Variants in UTRN observed in about 807,000 individuals in gnomAD.
The protein encoded by UTRN is utrophin.
Under a neutral mutation model 463.9 loss-of-function variants are expected in UTRN, and 283 were observed. The ratio of observed to expected loss-of-function variants is 0.61; its 90% CI spans 0.55 to 0.67. The LOEUF is 0.67. Among genes scored for constraint, UTRN ranks in the 30% least tolerant of loss-of-function variants. UTRN has a pLI of 0.00. For synonymous variants in UTRN, 1,442 were observed against 1,431.5 expected, an observed-to-expected ratio of 1.01 and a Z score of -0.17; for missense variants, 3,922 against 4,084.3, an observed-to-expected ratio of 0.96 and a Z score of 1.08.
intron 2 of UTRN, among the ~76,000 whole-genome samples, chr6:144,303,047 T>G (rs1240391490): frequency 1.3e-5 from 2 of 152,158 alleles, no homozygotes; most frequent in Non-Finnish European, 2.9e-5. Flanking sequence ...TCAGAACTGT[T>G]TTTCAGAAAG....
At chr6:144,703,132 A>G (rs531822769) in intron 53 of UTRN, among the ~76,000 whole-genome samples, 8 of 152,338 alleles carry the variant, frequency 5.3e-5, no homozygotes, top group Admixed American at 2.0e-4. Flanking sequence ...GAAAGAATCA[A>G]CAAAATTTGC....
chr6:144,555,407 G>A (rs1032699184), intron 49 of UTRN, among the ~76,000 whole-genome samples: 2 of 152,150 alleles, frequency 1.3e-5, no homozygotes, highest in Non-Finnish European at 2.9e-5. Flanking sequence ...GCAAGACAGA[G>A]AGAGATAGAA....
chr6:144,663,971 A>G (rs936977352), intron 51 of UTRN, among the ~76,000 whole-genome samples: 1 of 152,172 alleles, frequency 6.6e-6, no homozygotes, highest in Admixed American at 6.5e-5. Flanking sequence ...GTGCTAGTCT[A>G]AGTGTATAGA....
chr6:144,766,788 G>T (rs540783612), intron 58 of UTRN, among the ~76,000 whole-genome samples: 4 of 109,230 alleles, frequency 3.7e-5, no homozygotes, highest in African/African-American at 1.2e-4. Flanking sequence ...TGAGGTAGGG[G>T]TGTGTGTGTG....
chr6:144,410,080 A>T lies in UTRN; in HGVS notation c.141+6896A>T, dbSNP rs76648228. ...TTTAACTTAGCTTGAAAAACTGGAG[A>T]CTGGATTTATCTATTTCCTGACCAA... On this transcript the variant is annotated intron_variant, in intron 3 of 74. Coordinates refer to ENST00000367545, the MANE Select transcript of UTRN (RefSeq NM_007124.3). 0.012 allele frequency among the ~76,000 whole-genome samples: 1,814 copies of T among 152,136 alleles called. 70 individuals are homozygous for T. In the East Asian group the frequency reaches 0.14, roughly 12 times the overall value.
At chr6:144,328,009 G>A (rs1227722169) in intron 2 of UTRN, among the ~76,000 whole-genome samples, 4 of 152,054 alleles carry the variant, frequency 2.6e-5, no homozygotes, top group African/African-American at 9.7e-5. Flanking sequence ...AGATGGGGCT[G>A]AATTTCCAAC....
intron 65 of UTRN, among the ~76,000 whole-genome samples, chr6:144,812,568 A>G (rs1467559885): frequency 6.6e-6 from 1 of 152,226 alleles, no homozygotes. Context: ...ATATAGAGAT[A>G]TACAAACTCA....
At chr6:144,347,833 C>CTTTTTTTTTTTTT (rs1777715796) in intron 2 of UTRN, among the ~76,000 whole-genome samples, 4 of 130,264 alleles carry the variant, frequency 3.1e-5, no homozygotes, top group African/African-American at 1.6e-4. Flanking sequence ...GTGGCTTATT[C>CTTTTTTTTTTTTT]TTTGTTTTTT....
At chr6:144,347,837 G>GTTTTTTTTTTGT (rs1777720200) in intron 2 of UTRN, among the ~76,000 whole-genome samples, 2 of 128,898 alleles carry the variant, frequency 1.6e-5, no homozygotes, top group African/African-American at 6.8e-5. Flanking sequence ...CTTATTCTTT[G>GTTTTTTTTTTGT]TTTTTTTTTT....
At chr6:144,610,767 T>A (rs1805415186) in intron 51 of UTRN, among the ~76,000 whole-genome samples, 1 of 152,108 alleles carries the variant, frequency 6.6e-6, no homozygotes, top group Admixed American at 6.6e-5. Flanking sequence ...CCTAGCTACT[T>A]GAGAGGCTGA....
In UTRN at chr6:144,560,767, C is replaced by T. The variant is rs1023222302; in HGVS notation, c.7289+3456C>T. Among the ~76,000 whole-genome samples the T allele has an allele frequency of 2.6e-5, 4 of 152,076 alleles. No homozygotes were observed. The South Asian group carries it at 8.3e-4, about 32-fold the overall frequency. On this transcript the variant is annotated intron_variant, in intron 50 of 74. Transcript: ENST00000367545. ...CAGAAATCTTTGAATTACCATGCAG[C>T]TCTTTATTAAAGTCTTTATTTATTC...
At chr6:144,721,790 T>C (rs1284553388) in intron 53 of UTRN, among the ~76,000 whole-genome samples, 1 of 152,174 alleles carries the variant, frequency 6.6e-6, no homozygotes, top group East Asian at 1.9e-4. Flanking sequence ...TTGTTTCAGA[T>C]ATACCTTAGA....
At chr6:144,778,595 A>G (rs1775541281) in intron 60 of UTRN, among the ~76,000 whole-genome samples, 1 of 151,066 alleles carries the variant, frequency 6.6e-6, no homozygotes. Flanking sequence ...AAGAGAAGAT[A>G]GGGGAAATGC....
chr6:144,344,222 G>A (rs969644390), intron 2 of UTRN: 4 of 1,304,048 alleles, frequency 3.1e-6, no homozygotes, highest in Non-Finnish European at 3.0e-6. Flanking sequence ...TGAGCGGCCT[G>A]GCAGCCACCA....
At chr6:144,746,294 C>T (rs1022574005) in intron 54 of UTRN, among the ~76,000 whole-genome samples, 2 of 151,930 alleles carry the variant, frequency 1.3e-5, no homozygotes, top group Non-Finnish European at 2.9e-5. Context: ...TGAGCTACCG[C>T]ACCCAGCCTA....
intron 54 of UTRN, among the ~76,000 whole-genome samples, chr6:144,743,973 A>G (rs907888294): frequency 3.3e-5 from 5 of 150,070 alleles, no homozygotes; most frequent in African/African-American, 9.7e-5. Context: ...ACATAAATAT[A>G]TAATATAAAT....
chr6:144,523,294 C>T (rs987479792), intron 41 of UTRN, 106 bp downstream of exon 41: 2 of 897,568 alleles, frequency 2.2e-6, no homozygotes. Context: ...TGTTTCATAT[C>T]CTTGTAGGAT....
chr6:144,547,145 G>GT (rs1436924125), intron 46 of UTRN, among the ~76,000 whole-genome samples: 1 of 152,138 alleles, frequency 6.6e-6, no homozygotes, highest in East Asian at 1.9e-4. Flanking sequence ...ATTTTAATTT[G>GT]TACTATCTCA....
chr6:144,718,818 G>T (rs887628402), intron 53 of UTRN, among the ~76,000 whole-genome samples: 7 of 152,226 alleles, frequency 4.6e-5, no homozygotes, highest in Non-Finnish European at 1.5e-5. Flanking sequence ...CCAGAGTCAG[G>T]TTTGCAAAGA....
Sources: gnomAD v4.1 joint callset for allele counts (sites outside exome capture counted in the v4.1 genomes callset) on GRCh38, gnomAD v4.1.1 for gene constraint, MANE v1.5 for transcripts, NCBI Gene and HGNC (gene_info 2026-07-23, HGNC 2026-07-21) for gene names.